The following LRP1B variants were observed in gnomAD, a reference collection of about 807,000 sequenced individuals.
LRP1B encodes low-density lipoprotein receptor-related protein 1B.
LRP1B carries 217 observed loss-of-function variants against 556.6 expected under a neutral mutation model. That is an observed-to-expected ratio of 0.39 (90% CI 0.35 to 0.44). The LOEUF (loss-of-function observed/expected upper bound fraction) is 0.44. Ranked by LOEUF, LRP1B falls within the 20% of genes least tolerant of loss-of-function variation. LRP1B has a pLI of 1.00. For synonymous variants in LRP1B, 2,047 were observed against 1,865.8 expected (o/e 1.10, Z -2.50); for missense variants, 5,053 against 5,620.8 (o/e 0.90, Z 3.23).
chr2:141,706,041 T>A (rs1364039903), intron 2 of LRP1B, among the ~76,000 whole-genome samples: 1 of 152,060 alleles, frequency 6.6e-6, no homozygotes, highest in Non-Finnish European at 1.5e-5. Flanking sequence ...TCAGGAAACA[T>A]TCATGCTTCC....
At chr2:140,320,906 A>G (rs965724541) in intron 82 of LRP1B, among the ~76,000 whole-genome samples, 2 of 151,654 alleles carry the variant, frequency 1.3e-5, no homozygotes, top group Admixed American at 6.6e-5. Flanking sequence ...CACACACAAA[A>G]TTATCCAGGC....
At chr2:140,272,381 C>A (rs1193580976) in intron 85 of LRP1B, among the ~76,000 whole-genome samples, 1 of 151,688 alleles carries the variant, frequency 6.6e-6, no homozygotes, top group Non-Finnish European at 1.5e-5. Flanking sequence ...ATCAAAAAGA[C>A]ATAATTTAGG....
At position 140,446,806 on chromosome 2, in the gene LRP1B, A is replaced by G. The variant is rs1322792825; in HGVS notation, c.10058-2127T>C. Among the ~76,000 whole-genome samples, 6 of 152,176 alleles carry G rather than the reference A, an allele frequency of 3.9e-5. No homozygotes were observed. The East Asian group carries it at 1.2e-3, about 29-fold the overall frequency. On this transcript the variant is annotated intron_variant, in intron 63 of 90. Transcript: ENST00000389484. ...ATATGACTCCAAAAACACAGGCAAC[A>G]AAAGCAAACACAGACAAATGGAATT...
chr2:141,817,055 T>C (rs188548975), intron 1 of LRP1B, among the ~76,000 whole-genome samples: 27 of 152,202 alleles, frequency 1.8e-4, no homozygotes, highest in Non-Finnish European at 2.9e-4. Flanking sequence ...AAAATTTCAG[T>C]ATTTCAAGAT....
At chr2:140,941,384 C>T (rs986626300) in intron 20 of LRP1B, among the ~76,000 whole-genome samples, 1 of 152,192 alleles carries the variant, frequency 6.6e-6, no homozygotes, top group East Asian at 1.9e-4. Flanking sequence ...TCAATACGGG[C>T]AACACAGGTA....
Position 142,070,113 on chromosome 2 carries a change from G to A in LRP1B, c.82+60535C>T, listed in dbSNP as rs149342512. Reference sequence around the variant, plus strand: ...ACACATTCCACATTCCCAACAACCCGTTTGCAAACACATCAATAAAACTCT... The same window carrying A: ...ACACATTCCACATTCCCAACAACCCATTTGCAAACACATCAATAAAACTCT... On this transcript the variant is annotated intron_variant, in intron 1 of 90. Coordinates refer to ENST00000389484, the MANE Select transcript of LRP1B (RefSeq NM_018557.3). 5.6e-3 allele frequency among the ~76,000 whole-genome samples: 845 copies of A among 151,720 alleles called. 3 individuals are homozygous for A. The highest frequency in any genetic ancestry group is 7.6e-3 in the Non-Finnish European group (517 of 67,786).
intron 35 of LRP1B, among the ~76,000 whole-genome samples, chr2:140,751,967 T>C (rs953642509): frequency 1.3e-5 from 2 of 152,194 alleles, no homozygotes; most frequent in South Asian, 2.1e-4. Context: ...AGCTTTATTA[T>C]AGACAGCATT....
intron 6 of LRP1B, among the ~76,000 whole-genome samples, chr2:141,192,990 G>C (rs766425080): frequency 1.5e-4 from 23 of 151,872 alleles, no homozygotes; most frequent in Non-Finnish European, 3.1e-4. Context: ...GCTATAAAAT[G>C]ACACATCAAT....
At chr2:141,018,928 A>G (rs1697987718) in intron 12 of LRP1B, among the ~76,000 whole-genome samples, 1 of 152,054 alleles carries the variant, frequency 6.6e-6, no homozygotes, top group Admixed American at 6.6e-5. Context: ...ATCTCGGTTT[A>G]TAAGGGATTC....
chr2:141,515,313 A>G lies in LRP1B; in HGVS notation c.206-34780T>C, dbSNP rs1684273677. Among the ~76,000 whole-genome samples the G allele has an allele frequency of 5.9e-5, 9 of 152,096 alleles. No homozygotes were observed. In the South Asian group the frequency reaches 1.9e-3, roughly 32 times the overall value. Reference sequence around the variant, plus strand: ...GTGGAACTCCGTCAAAAGAAAAAAAAAAAAGAAGTATCCCATGTCCCATGA... The same window carrying G: ...GTGGAACTCCGTCAAAAGAAAAAAAGAAAAGAAGTATCCCATGTCCCATGA... On this transcript the variant is annotated intron_variant, in intron 2 of 90. Coordinates refer to ENST00000389484, the MANE Select transcript of LRP1B (RefSeq NM_018557.3).
intron 41 of LRP1B, among the ~76,000 whole-genome samples, chr2:140,663,560 C>T (rs923832862): frequency 6.6e-6 from 1 of 152,208 alleles, no homozygotes; most frequent in African/African-American, 2.4e-5. Context: ...GCAGCTTCCT[C>T]ACTTCTCTCG....
At chr2:141,316,481 A>G (rs560959618) in intron 3 of LRP1B, among the ~76,000 whole-genome samples, 142 of 152,336 alleles carry the variant, frequency 9.3e-4, no homozygotes, top group African/African-American at 3.3e-3. Flanking sequence ...TGTAAATAAA[A>G]GCATTTAAAA....
chr2:141,696,886 T>C (rs990160946), intron 2 of LRP1B, among the ~76,000 whole-genome samples: 1 of 151,852 alleles, frequency 6.6e-6, no homozygotes, highest in Non-Finnish European at 1.5e-5. Context: ...TGAGCAATAG[T>C]CAAAAGAAAT....
intron 1 of LRP1B, among the ~76,000 whole-genome samples, chr2:142,103,843 C>T (rs1426911017): frequency 6.6e-6 from 1 of 152,082 alleles, no homozygotes; most frequent in Non-Finnish European, 1.5e-5. Context: ...TTCTTACCTA[C>T]CGTGTATAAG....
At chr2:140,245,402 A>G (rs184025038) in intron 87 of LRP1B, among the ~76,000 whole-genome samples, 5 of 151,486 alleles carry the variant, frequency 3.3e-5, no homozygotes, top group East Asian at 2.0e-4. Context: ...AAAATTTCCA[A>G]ATTTCATACA....
At chr2:141,484,348 C>T (rs1683036560) in intron 2 of LRP1B, among the ~76,000 whole-genome samples, 3 of 149,754 alleles carry the variant, frequency 2.0e-5, no homozygotes, top group African/African-American at 4.9e-5. Flanking sequence ...CAGTACCATG[C>T]TGTTTTGGTT....
intron 88 of LRP1B, 64 bp downstream of exon 88, chr2:140,239,375 CATT>C (rs967585897): frequency 1.8e-5 from 18 of 987,020 alleles, no homozygotes; most frequent in Non-Finnish European, 2.4e-5. Context: ...TAACAACAAA[CATT>C]ATGTTTCTGC....
At chr2:141,121,297 T>C (rs1438265709) in intron 7 of LRP1B, among the ~76,000 whole-genome samples, 1 of 152,120 alleles carries the variant, frequency 6.6e-6, no homozygotes, top group African/African-American at 2.4e-5. Context: ...CAGTAGACTA[T>C]GTATGAGGAT....
chr2:140,567,512 C>G (rs1008300094), intron 43 of LRP1B, among the ~76,000 whole-genome samples: 5 of 152,128 alleles, frequency 3.3e-5, no homozygotes, highest in Non-Finnish European at 7.3e-5. Flanking sequence ...ACATCCTGAC[C>G]CACTGAGCCC....
Sources: gnomAD v4.1 joint callset for allele counts (sites outside exome capture counted in the v4.1 genomes callset) on GRCh38, gnomAD v4.1.1 for gene constraint, MANE v1.5 for transcripts, NCBI Gene and HGNC (gene_info 2026-07-23, HGNC 2026-07-21) for gene names.